PLCE1: variants seen among roughly 807,000 people sequenced by gnomAD.
The protein encoded by PLCE1 is phospholipase C epsilon 1, also known as 1-phosphatidylinositol 4,5-bisphosphate phosphodiesterase epsilon-1.
A neutral mutation model predicts 242.8 loss-of-function variants in PLCE1; 119 were observed. That is an observed-to-expected ratio of 0.49 (90% CI 0.42 to 0.57). The LOEUF (loss-of-function observed/expected upper bound fraction) is 0.57, where lower values mean the gene tolerates loss of function less well. PLCE1 is among the 20% of genes least tolerant of loss of function. PLCE1 has a pLI of 0.00. For missense variants in PLCE1, 2,441 were observed against 2,788.8 expected (o/e 0.88, Z 2.81); for synonymous variants, 945 against 1,017.4 (o/e 0.93, Z 1.35).
chr10:94,309,288 T>C (rs2053305644), intron 27 of PLCE1, among the ~76,000 whole-genome samples: 1 of 151,668 alleles, frequency 6.6e-6, no homozygotes, highest in Non-Finnish European at 1.5e-5. Flanking sequence ...AGAAGGACAC[T>C]GTAGAAAGTG....
intron 2 of PLCE1, chr10:94,100,679 C>T (rs1407395845): frequency 6.6e-6 from 1 of 152,198 alleles, no homozygotes; most frequent in African/African-American, 2.4e-5. Flanking sequence ...TCTCTTGGTT[C>T]TTCCCCGGGT....
At chr10:94,209,306 C>A (rs939649056) in intron 4 of PLCE1, among the ~76,000 whole-genome samples, 1 of 152,104 alleles carries the variant, frequency 6.6e-6, no homozygotes, top group Admixed American at 6.5e-5. Flanking sequence ...TATATGTGTG[C>A]CTGCCAATTT....
intron 2 of PLCE1, among the ~76,000 whole-genome samples, chr10:94,035,110 G>A (rs2061638397): frequency 6.6e-6 from 1 of 152,124 alleles, no homozygotes; most frequent in Non-Finnish European, 1.5e-5. Context: ...GACTTGCACA[G>A]CATCTCCCTG....
intron 1 of PLCE1, among the ~76,000 whole-genome samples, chr10:94,014,964 A>G (rs1249276088): frequency 6.6e-6 from 1 of 152,228 alleles, no homozygotes; most frequent in Non-Finnish European, 1.5e-5. Context: ...GAGGAAGACT[A>G]TTAGCCAGGG....
chr10:94,197,436 A>T (rs957820455), intron 4 of PLCE1, among the ~76,000 whole-genome samples: 1 of 152,188 alleles, frequency 6.6e-6, no homozygotes, highest in Non-Finnish European at 1.5e-5. Context: ...ACCATTTGAC[A>T]TTCCCACCAA....
chr10:93,998,834 T>C (rs926062672), intron 1 of PLCE1, among the ~76,000 whole-genome samples: 4 of 152,156 alleles, frequency 2.6e-5, no homozygotes, highest in African/African-American at 4.8e-5. Flanking sequence ...CTTTTACAGA[T>C]GTGATTAAAT....
At chr10:94,179,530 T>TTTTTTTTTTTTTTTTTTTTTTTTTTTGA (rs10636243) in intron 4 of PLCE1, among the ~76,000 whole-genome samples, 52 of 118,818 alleles carry the variant, frequency 4.4e-4, no homozygotes, top group Middle Eastern at 4.5e-3. Context: ...TTTTTTTTTT[T>TTTTTTTTTTTTTTTTTTTTTTTTTTTGA]GACAGGGTCT....
chr10:94,048,163 G>C (rs2043648621), intron 2 of PLCE1, among the ~76,000 whole-genome samples: 1 of 151,974 alleles, frequency 6.6e-6, no homozygotes, highest in African/African-American at 2.4e-5. Flanking sequence ...TACTTTACTG[G>C]TGCATTCTCC....
At chr10:94,133,396 A>C (rs1000756731) in intron 3 of PLCE1, among the ~76,000 whole-genome samples, 1 of 152,222 alleles carries the variant, frequency 6.6e-6, no homozygotes, top group African/African-American at 2.4e-5. Flanking sequence ...AAACTTGTAC[A>C]CTGCATAGCT....
intron 3 of PLCE1, among the ~76,000 whole-genome samples, chr10:94,160,507 T>C (rs1478055995): frequency 6.6e-6 from 1 of 152,214 alleles, no homozygotes; most frequent in Non-Finnish European, 1.5e-5. Context: ...TCATTGTAGA[T>C]TCTGGATATT....
In PLCE1 at chr10:94,031,733, C is replaced by CT. The variant is rs1346695634; in HGVS notation, c.688dup (p.Tyr230LeufsTer7). On this transcript the variant is annotated frameshift_variant, in exon 2 of 33. Transcript: ENST00000371380. LOFTEE classifies it high-confidence loss of function. ...GGGGTGAGGAGAAGCAAAAGAAAAA[C>CT]TATGTGGCATATACCTGTAAACTGA... is the stretch of plus-strand genomic sequence containing the variant. The CT allele has an allele frequency of 6.2e-7, 1 of 1,613,612 alleles. No homozygotes were observed. The highest frequency in any genetic ancestry group is 8.5e-7 in the Non-Finnish European group (1 of 1,179,852).
At position 94,265,933 on chromosome 10, in the gene PLCE1, A is replaced by G. The variant is rs1408950534; in HGVS notation, c.4256A>G (p.Glu1419Gly). 6.2e-7 allele frequency: 1 copy of G among 1,613,976 alleles called. No homozygotes were observed. Among genetic ancestry groups the G allele is most frequent in the Non-Finnish European group, 8.5e-7 (1 of 1,179,976 alleles). ...CTCACGGGCCATCAGCTCAAAGGAG[A>G]ATCCTCGGTAGAACTCTACAGCCAG... ...TYLTGHQLKG[E>G]SSVELYSQVL... The change falls in exon 16 of 33, where the codon GAA (glutamate) becomes GGA (glycine). Residue 1419 changes from glutamate to glycine, a missense_variant. Glu to Gly is a moderately conservative substitution (Grantham distance 98). Coordinates refer to ENST00000371380, the MANE Select transcript of PLCE1 (RefSeq NM_016341.4).
At chr10:94,112,077 A>G (rs181725436) in intron 2 of PLCE1, among the ~76,000 whole-genome samples, 5 of 152,286 alleles carry the variant, frequency 3.3e-5, no homozygotes, top group African/African-American at 1.2e-4. Context: ...GGTCATCTAT[A>G]AAGTTTCTGT....
At chr10:94,189,006 A>G (rs1022540050) in intron 4 of PLCE1, among the ~76,000 whole-genome samples, 1 of 150,860 alleles carries the variant, frequency 6.6e-6, no homozygotes, top group Non-Finnish European at 1.5e-5. Flanking sequence ...AGTAAAAAAA[A>G]AAAAAAAAAA....
rs1345051008 is a variant in PLCE1 at position 94,314,342 on chromosome 10, G to A, written c.6132+960G>A. ...CAGCCAGGCGCAGTGGCTCACACCT[G>A]TAATCCCAGCTCTTTGGGAGGCCGA... On this transcript the variant is annotated intron_variant, in intron 28 of 32. Transcript: ENST00000371380. Among the ~76,000 whole-genome samples, 3 of 152,194 alleles carry A rather than the reference G, an allele frequency of 2.0e-5. No homozygotes were observed. The East Asian group carries it at 5.8e-4, about 29-fold the overall frequency.
chr10:94,150,774 C>T (rs1016655894), intron 3 of PLCE1, among the ~76,000 whole-genome samples: 7 of 152,104 alleles, frequency 4.6e-5, no homozygotes, highest in African/African-American at 1.7e-4. Context: ...ACTTCAGAGC[C>T]CATGCCTCTG....
intron 2 of PLCE1, among the ~76,000 whole-genome samples, chr10:94,071,021 A>C (rs903952165): frequency 6.6e-6 from 1 of 152,212 alleles, no homozygotes; most frequent in Non-Finnish European, 1.5e-5. Context: ...CAAATCTGGG[A>C]GGAGAGCTTC....
At chr10:94,128,802 G>T (rs1191604694) in intron 2 of PLCE1, among the ~76,000 whole-genome samples, 5 of 152,088 alleles carry the variant, frequency 3.3e-5, no homozygotes, top group African/African-American at 1.2e-4. Context: ...ATATACTAAT[G>T]GTGACCAGAT....
chr10:94,244,728 G>A (rs1210584982), intron 7 of PLCE1, among the ~76,000 whole-genome samples: 2 of 151,792 alleles, frequency 1.3e-5, no homozygotes, highest in Non-Finnish European at 2.9e-5. Context: ...TTTGAGACAG[G>A]GTCTTGCTCT....
Sources: gnomAD v4.1 joint callset for allele counts (sites outside exome capture counted in the v4.1 genomes callset) on GRCh38, gnomAD v4.1.1 for gene constraint, MANE v1.5 for transcripts, NCBI Gene and HGNC (gene_info 2026-07-23, HGNC 2026-07-21) for gene names.